Variants in CCNH observed in about 807,000 individuals in gnomAD.
CCNH encodes the protein cyclin H.
A neutral mutation model predicts 41.9 loss-of-function variants in CCNH; 31 were observed. That is an observed-to-expected ratio of 0.74 (90% CI 0.56 to 1.00). The LOEUF (loss-of-function observed/expected upper bound fraction) is 1.00. Among genes scored for constraint, CCNH ranks in the 50% least tolerant of loss-of-function variants. CCNH has a pLI of 0.00. For synonymous variants in CCNH, 138 were observed against 136.1 expected, an observed-to-expected ratio of 1.01 and a Z score of -0.10; for missense variants, 362 against 388.4, an observed-to-expected ratio of 0.93 and a Z score of 0.57.
At chr5:87,319,578 A>G (rs1756622330) in intron 9 of CCNH, among the ~76,000 whole-genome samples, 2 of 152,188 alleles carry the variant, frequency 1.3e-5, no homozygotes, top group South Asian at 2.1e-4. Context: ...AGCCACAGCC[A>G]CAGCTGGAGC....
At chr5:87,357,458 C>T (rs992188013) in intron 9 of CCNH, among the ~76,000 whole-genome samples, 1 of 152,030 alleles carries the variant, frequency 6.6e-6, no homozygotes, top group Non-Finnish European at 1.5e-5. Flanking sequence ...TACATTTCCC[C>T]ATACTGAATT....
At chr5:87,409,425 T>C (rs1764058791) in intron 2 of CCNH, 62 bp from the exon 3 acceptor site, 2 of 970,264 alleles carry the variant, frequency 2.1e-6, no homozygotes, top group Admixed American at 2.1e-5. Flanking sequence ...TTAAATTTTG[T>C]GAAACAGAAC....
chr5:87,348,536 G>C (rs1285133501), intron 9 of CCNH, among the ~76,000 whole-genome samples: 1 of 151,906 alleles, frequency 6.6e-6, no homozygotes, highest in Non-Finnish European at 1.5e-5. Flanking sequence ...AAAATATAGT[G>C]TATGTGTATT....
At chr5:87,350,829 T>C (rs1305411128) in intron 9 of CCNH, among the ~76,000 whole-genome samples, 1 of 151,768 alleles carries the variant, frequency 6.6e-6, no homozygotes, top group African/African-American at 2.4e-5. Context: ...TTCATCTTAT[T>C]GTTTCTAGTT....
chr5:87,338,536 A>ATATATT, intron 9 of CCNH, among the ~76,000 whole-genome samples: 1,419 of 85,090 alleles, frequency 0.017, 64 homozygotes, highest in Middle Eastern at 0.031. Flanking sequence ...TATATATAAA[A>ATATATT]TTTTTTTTTT....
chr5:87,320,641 C>T (rs1756722722), intron 9 of CCNH, among the ~76,000 whole-genome samples: 1 of 152,172 alleles, frequency 6.6e-6, no homozygotes, highest in South Asian at 2.1e-4. Flanking sequence ...AATTTGCCTT[C>T]ATGATTCAAT....
chr5:87,409,034 T>C (rs765364807), intron 3 of CCNH: 28 of 264,578 alleles, frequency 1.1e-4, no homozygotes, highest in Non-Finnish European at 2.0e-4. Flanking sequence ...GTTAGAGAAG[T>C]AGCTAATTTG....
intron 9 of CCNH, among the ~76,000 whole-genome samples, chr5:87,360,740 C>A (rs958293264): frequency 2.0e-5 from 3 of 152,054 alleles, no homozygotes; most frequent in African/African-American, 7.2e-5. Flanking sequence ...TGAGAAAATT[C>A]AAGTATATCA....
chr5:87,331,952 A>G (rs1206238758), intron 9 of CCNH, among the ~76,000 whole-genome samples: 2 of 152,162 alleles, frequency 1.3e-5, no homozygotes, highest in Non-Finnish European at 2.9e-5. Context: ...AATATTCTGT[A>G]TATATAAACA....
intron 9 of CCNH, among the ~76,000 whole-genome samples, chr5:87,360,937 T>G (rs905422611): frequency 6.6e-6 from 1 of 152,244 alleles, no homozygotes; most frequent in African/African-American, 2.4e-5. Flanking sequence ...ATTTTAAGTA[T>G]GTTCAATCAA....
intron 9 of CCNH, among the ~76,000 whole-genome samples, chr5:87,361,692 T>A (rs1561310117): frequency 6.6e-6 from 1 of 152,170 alleles, no homozygotes; most frequent in Non-Finnish European, 1.5e-5. Context: ...ATGTAACATA[T>A]GCATTCCTAA....
At chr5:87,317,501 CTG>C (rs767530852), downstream of CCNH, among the ~76,000 whole-genome samples, 81 of 151,932 alleles carry the variant, frequency 5.3e-4, no homozygotes, top group Middle Eastern at 6.8e-3. Context: ...CTACTTTTTA[CTG>C]TGAGGCAACT....
At chr5:87,403,413 C>G (rs1172431967) in intron 5 of CCNH, among the ~76,000 whole-genome samples, 1 of 152,090 alleles carries the variant, frequency 6.6e-6, no homozygotes, top group African/African-American at 2.4e-5. Flanking sequence ...GCACTATATA[C>G]AATGCTTCAA....
rs1385313017 is a variant in CCNH at position 87,323,120 on chromosome 5, CTG to C, written c.*91-4225_*91-4224del. Among the ~76,000 whole-genome samples the C allele has an allele frequency of 2.0e-5, 3 of 152,062 alleles. No homozygotes were observed. The East Asian group carries it at 5.8e-4, about 29-fold the overall frequency. ...TGATGGATAACTGATATTTCCATGACTGTGAATAAATACAGAAATGGAAAATT... is the reference window on the plus strand; with the variant it reads ...TGATGGATAACTGATATTTCCATGACTGAATAAATACAGAAATGGAAAATT... On this transcript the variant is annotated intron_variant and NMD_transcript_variant, in intron 9 of 9. Coordinates refer to the CCNH transcript ENST00000645953.
chr5:87,411,031 T>C (rs2112584638), intron 2 of CCNH, among the ~76,000 whole-genome samples, 193 bp downstream of exon 2: 1 of 152,308 alleles, frequency 6.6e-6, no homozygotes, highest in South Asian at 2.1e-4. Context: ...AAAGTGAGAC[T>C]TGAAATACTT....
intron 9 of CCNH, among the ~76,000 whole-genome samples, chr5:87,350,034 T>C (rs1044403453): frequency 2.6e-5 from 4 of 151,900 alleles, no homozygotes; most frequent in African/African-American, 9.7e-5. Context: ...GGCATAATCT[T>C]GTTCTAAAAT....
At chr5:87,328,747 A>G (rs1757408271) in intron 9 of CCNH, among the ~76,000 whole-genome samples, 1 of 152,146 alleles carries the variant, frequency 6.6e-6, no homozygotes, top group Admixed American at 6.5e-5. Context: ...AAATTTTTAT[A>G]TTTATATAAA....
chr5:87,405,882 A>G (rs3093802), intron 4 of CCNH, among the ~76,000 whole-genome samples: 6 of 152,046 alleles, frequency 3.9e-5, no homozygotes, highest in African/African-American at 7.2e-5. Context: ...AACTATACCA[A>G]GATTTCTGAG....
downstream of CCNH, chr5:87,372,259 T>TAAAAA: frequency 6.9e-7 from 1 of 1,447,110 alleles, no homozygotes. Flanking sequence ...GCTCTTTTTA[T>TAAAAA]TTTATTTTTA....
Sources: gnomAD v4.1 joint callset for allele counts (sites outside exome capture counted in the v4.1 genomes callset) on GRCh38, gnomAD v4.1.1 for gene constraint, MANE v1.5 for transcripts, NCBI Gene and HGNC (gene_info 2026-07-23, HGNC 2026-07-21) for gene names.